Variants in NT5C3A observed in about 807,000 individuals in gnomAD.
NT5C3A encodes the protein 5'-nucleotidase, cytosolic IIIA.
NT5C3A carries 23 observed loss-of-function variants against 40.0 expected under a neutral mutation model. The observed-to-expected ratio is 0.58, with a 90% confidence interval of 0.41 to 0.81. The LOEUF is 0.81. NT5C3A is among the 40% of genes least tolerant of loss of function. The pLI is 0.00. For missense variants in NT5C3A, 328 were observed against 403.0 expected (o/e 0.81, Z 1.59); for synonymous variants, 130 against 141.4 (o/e 0.92, Z 0.57).
intron 1 of NT5C3A, chr7:33,029,496 T>G (rs1347497170): frequency 2.4e-6 from 1 of 420,556 alleles, no homozygotes; most frequent in Non-Finnish European, 4.5e-6. Flanking sequence ...AACTGGCAGA[T>G]GCACAGCAAT....
At position 33,018,706 on chromosome 7, in the gene NT5C3A, C is replaced by T. The variant is rs538227409; in HGVS notation, c.530+929G>A. On this transcript the variant is annotated intron_variant, in intron 6 of 8. Transcript: ENST00000610140. ...TCTACTAAAAATACAAAAAATTAGC[C>T]GGGCGTGGTGGCGGGCGCCTGAAGT... 2.0e-5 allele frequency among the ~76,000 whole-genome samples: 3 copies of T among 152,042 alleles called. No homozygotes were observed. The East Asian group carries it at 5.8e-4, about 29-fold the overall frequency.
In NT5C3A at chr7:33,054,304, T is replaced by C. The variant is rs534659547; in HGVS notation, c.138+8264A>G. 2.7e-5 allele frequency among the ~76,000 whole-genome samples: 4 copies of C among 150,788 alleles called. No homozygotes were observed. In the East Asian group the frequency reaches 7.8e-4, roughly 29 times the overall value. On this transcript the variant is annotated intron_variant, in intron 1 of 8. Coordinates refer to ENST00000610140, the MANE Select transcript of NT5C3A (RefSeq NM_001002010.5). The stretch of plus-strand genomic sequence containing the variant: ...AGCAGGTCAAAGCTGCAGTGAGCCA[T>C]GATGGTGCCACTGCACTCCAGCCTG...
intron 2 of NT5C3A, among the ~76,000 whole-genome samples, 191 bp downstream of exon 2, chr7:33,026,626 G>A (rs1785953035): frequency 6.6e-6 from 1 of 151,768 alleles, no homozygotes; most frequent in Non-Finnish European, 1.5e-5. Flanking sequence ...CAAAGTGCTA[G>A]GATTACAGGT....
intron 6 of NT5C3A, among the ~76,000 whole-genome samples, chr7:33,019,354 G>T (rs553543547): frequency 5.7e-4 from 86 of 151,348 alleles, no homozygotes; most frequent in African/African-American, 2.0e-3. Flanking sequence ...TTTTTAAATG[G>T]CCTTGGTTCA....
rs1402302196 is a variant in NT5C3A at position 33,015,678 on chromosome 7, T to C, written c.886A>G (p.Asn296Asp). ...CAGATTTGTATACTTACTCTATCAT[T>C]TAGATATCCAATTTTCAGAATGTGC... Reference protein sequence around the residue: ...VEHILKIGYLNDRVDELLEKY... With the variant: ...VEHILKIGYLDDRVDELLEKY... The change falls in exon 8 of 9, where the codon AAT (asparagine) becomes GAT (aspartate). Residue 296 changes from asparagine (N) to aspartate (D), a missense_variant. By Grantham distance (23) the Asn-to-Asp change is conservative. This residue lies in a region of NT5C3A where 36 missense variants were observed against 51.1 expected (regional missense o/e 0.70). Coordinates refer to ENST00000610140, the MANE Select transcript of NT5C3A (RefSeq NM_001002010.5). 1.3e-6 allele frequency: 2 copies of C among 1,599,508 alleles called. No individual in the cohort carries two copies. Among genetic ancestry groups the C allele is most frequent in the Non-Finnish European group, 1.7e-6 (2 of 1,167,750 alleles).
At position 33,026,830 on chromosome 7, in the gene NT5C3A, G is replaced by C; in HGVS notation, c.224C>G (p.Ala75Gly). Residue 75 changes from alanine to glycine, a missense_variant, in exon 2 of 9, where the codon GCT (alanine) becomes GGT (glycine). By Grantham distance (60) the Ala-to-Gly change is moderately conservative. This residue lies in a region of NT5C3A where 280 missense variants were observed against 317.2 expected (regional missense o/e 0.88). Coordinates refer to ENST00000610140, the MANE Select transcript of NT5C3A (RefSeq NM_001002010.5). Reference sequence around the variant, plus strand: ...ATAATTATTCACCTGAAGTTTGGCAGCTCCTCCTTTGATAAGACCACAGAT... The same window carrying C: ...ATAATTATTCACCTGAAGTTTGGCACCTCCTCCTTTGATAAGACCACAGAT... Reference protein sequence around the residue: ...EIICGLIKGGAAKLQIITDFD... With the variant: ...EIICGLIKGGGAKLQIITDFD... 3 of 1,608,992 alleles carry C rather than the reference G, an allele frequency of 1.9e-6. No homozygotes were observed. The highest frequency in any genetic ancestry group is 2.5e-6 in the Non-Finnish European group (3 of 1,177,204).
At chr7:33,053,565 G>T (rs893271583) in intron 1 of NT5C3A, among the ~76,000 whole-genome samples, 1 of 151,392 alleles carries the variant, frequency 6.6e-6, no homozygotes, top group Non-Finnish European at 1.5e-5. Flanking sequence ...GGAGGCTGAG[G>T]GGGGAAGACG....
intron 1 of NT5C3A, among the ~76,000 whole-genome samples, chr7:33,046,580 A>AACTCAAGT (rs1446715596): frequency 6.6e-6 from 1 of 152,194 alleles, no homozygotes; most frequent in Non-Finnish European, 1.5e-5. Context: ...TAATTTTCAA[A>AACTCAAGT]AACTCAAGTA....
At chr7:33,030,512 C>T (rs1427620235) in intron 1 of NT5C3A, among the ~76,000 whole-genome samples, 1 of 152,056 alleles carries the variant, frequency 6.6e-6, no homozygotes, top group Non-Finnish European at 1.5e-5. Context: ...CTAAAAATTT[C>T]CATCATTTGT....
chr7:33,061,281 A>G (rs1787766306), intron 1 of NT5C3A, among the ~76,000 whole-genome samples: 2 of 152,280 alleles, frequency 1.3e-5, no homozygotes, highest in African/African-American at 2.4e-5. Flanking sequence ...GTGGGCATAC[A>G]GATGTGGGAC....
intron 1 of NT5C3A, among the ~76,000 whole-genome samples, chr7:33,034,842 A>G (rs571786170): frequency 1.3e-5 from 2 of 152,356 alleles, no homozygotes; most frequent in South Asian, 4.1e-4. Context: ...GAGGAGGCAC[A>G]ACAATAATAA....
At chr7:33,044,011 G>C (rs1177436309) in intron 1 of NT5C3A, among the ~76,000 whole-genome samples, 1 of 151,940 alleles carries the variant, frequency 6.6e-6, no homozygotes, top group Non-Finnish European at 1.5e-5. Context: ...TAATGTACAA[G>C]AGTTGGGACA....
In NT5C3A at chr7:33,015,867, C is replaced by T. The variant is rs367937057; in HGVS notation, c.697G>A (p.Val233Met). 2.5e-6 allele frequency: 4 copies of T among 1,597,442 alleles called. No homozygotes were observed. The highest frequency in any genetic ancestry group is 2.7e-5 in the African/African-American group (2 of 74,542). ...SNFMDFDETG[V>M]LKGFKGELIH... The stretch of plus-strand genomic sequence containing the variant: ...AGTTCTCCTTTAAATCCTTTGAGCA[C>T]CCCCTATGAAAAATATAAATCTTTT... The change falls in exon 8 of 9, where the codon GTG becomes ATG. Residue 233 changes from valine (V) to methionine (M), a missense_variant. Coordinates refer to ENST00000610140, the MANE Select transcript of NT5C3A (RefSeq NM_001002010.5).
intron 1 of NT5C3A, 53 bp from the exon 2 acceptor site, chr7:33,026,968 T>C: frequency 8.2e-7 from 1 of 1,223,436 alleles, no homozygotes; most frequent in East Asian, 2.4e-5. Flanking sequence ...TTCCCCAGGT[T>C]CCTTTGATAC....
chr7:33,040,898 C>T (rs1182633132), intron 1 of NT5C3A: 1 of 985,276 alleles, frequency 1.0e-6, no homozygotes, highest in South Asian at 4.7e-5. Flanking sequence ...CGAGCTACAC[C>T]AGCAAAAGAA....
intron 4 of NT5C3A, chr7:33,021,679 A>C: frequency 2.5e-6 from 1 of 404,170 alleles, no homozygotes; most frequent in East Asian, 5.1e-5. Context: ...AGATATACAC[A>C]GACACATACA....
At chr7:33,027,863 T>C (rs1786031701) in intron 1 of NT5C3A, among the ~76,000 whole-genome samples, 1 of 152,206 alleles carries the variant, frequency 6.6e-6, no homozygotes, top group Non-Finnish European at 1.5e-5. Flanking sequence ...GCATATAGTT[T>C]TAGCTCATCC....
At chr7:33,056,624 A>G (rs1787583119) in intron 1 of NT5C3A, among the ~76,000 whole-genome samples, 1 of 151,654 alleles carries the variant, frequency 6.6e-6, no homozygotes, top group Admixed American at 6.6e-5. Context: ...GTGAGCCATG[A>G]TCGCTTCATT....
At chr7:33,037,158 T>C (rs1033681166) in intron 1 of NT5C3A, among the ~76,000 whole-genome samples, 33 of 152,244 alleles carry the variant, frequency 2.2e-4, no homozygotes, top group Non-Finnish European at 1.0e-4. Flanking sequence ...TGAGCTGTAT[T>C]TGAATCGAGC....
Sources: gnomAD v4.1 joint callset for allele counts (sites outside exome capture counted in the v4.1 genomes callset) on GRCh38, gnomAD v4.1.1 for gene constraint, gnomAD v4.1.1 regional missense constraint, MANE v1.5 for transcripts, NCBI Gene and HGNC (gene_info 2026-07-23, HGNC 2026-07-21) for gene names.